MECOM: variants seen among roughly 807,000 people sequenced by gnomAD.
MECOM encodes the protein histone-lysine N-methyltransferase MECOM.
MECOM carries 13 observed loss-of-function variants against 116.3 expected under a neutral mutation model. The observed-to-expected ratio is 0.11, with a 90% CI of 0.07 to 0.18. The LOEUF (loss-of-function observed/expected upper bound fraction) is 0.18, where lower values mean the gene tolerates loss of function less well. MECOM is among the 10% of genes least tolerant of loss of function. The pLI is 1.00. For missense variants in MECOM, 1,299 were observed against 1,509.0 expected (o/e 0.86, Z 2.31); for synonymous variants, 528 against 535.2 (o/e 0.99, Z 0.19).
chr3:169,471,875 C>T (rs1749304761), intron 1 of MECOM, among the ~76,000 whole-genome samples: 1 of 152,202 alleles, frequency 6.6e-6, no homozygotes, highest in African/African-American at 2.4e-5. Flanking sequence ...TGCCCACTTA[C>T]TTTGATGATG....
intron 1 of MECOM, among the ~76,000 whole-genome samples, chr3:169,392,413 A>G (rs1181567731): frequency 2.0e-5 from 3 of 152,204 alleles, no homozygotes; most frequent in Admixed American, 1.3e-4. Flanking sequence ...TCTAGCATTA[A>G]AAGAGGAATT....
intron 2 of MECOM, among the ~76,000 whole-genome samples, chr3:169,253,292 C>G (rs1460320929): frequency 6.6e-6 from 1 of 152,086 alleles, no homozygotes; most frequent in Non-Finnish European, 1.5e-5. Context: ...ATGAACTTCA[C>G]TAATGCTGAC....
At chr3:169,641,418 C>T (rs1773475421) in intron 1 of MECOM, among the ~76,000 whole-genome samples, 1 of 152,080 alleles carries the variant, frequency 6.6e-6, no homozygotes, top group African/African-American at 2.4e-5. Context: ...TAAGCCTGCA[C>T]CCTCTGATGG....
chr3:169,135,951 C>G (rs1736231719), intron 3 of MECOM, among the ~76,000 whole-genome samples: 1 of 151,672 alleles, frequency 6.6e-6, no homozygotes, highest in Non-Finnish European at 1.5e-5. Flanking sequence ...AAAAGTAAAA[C>G]TAGAAATCCA....
At chr3:169,370,074 A>G (rs1435712285) in intron 2 of MECOM, among the ~76,000 whole-genome samples, 1 of 151,962 alleles carries the variant, frequency 6.6e-6, no homozygotes, top group African/African-American at 2.4e-5. Context: ...TAAATGCCAA[A>G]CCAGTCAAAA....
chr3:169,150,148 A>G (rs1740965961), intron 2 of MECOM, among the ~76,000 whole-genome samples: 1 of 152,164 alleles, frequency 6.6e-6, no homozygotes, highest in East Asian at 1.9e-4. Context: ...CACAGTAGTT[A>G]GACTGGCCTT....
intron 1 of MECOM, among the ~76,000 whole-genome samples, chr3:169,549,066 C>T (rs141415000): frequency 0.22 from 32,638 of 151,088 alleles, 4,563 homozygotes; most frequent in East Asian, 0.7. Context: ...CTCCGCCTCC[C>T]GGGTTCAAGT....
intron 2 of MECOM, among the ~76,000 whole-genome samples, chr3:169,222,927 A>C (rs2149500703): frequency 6.6e-6 from 1 of 152,260 alleles, no homozygotes; most frequent in Middle Eastern, 3.4e-3. Flanking sequence ...TCTTTCATGG[A>C]ACAATTAGAT....
intron 1 of MECOM, among the ~76,000 whole-genome samples, chr3:169,454,746 C>T (rs1285986377): frequency 6.6e-6 from 1 of 152,092 alleles, no homozygotes; most frequent in Non-Finnish European, 1.5e-5. Context: ...CTTTCTCAAA[C>T]AATATTTCTC....
intron 1 of MECOM, among the ~76,000 whole-genome samples, chr3:169,449,018 A>G (rs1745113945): frequency 6.6e-6 from 1 of 152,178 alleles, no homozygotes; most frequent in East Asian, 1.9e-4. Context: ...CAGGAGTAGT[A>G]TCTGTCAACA....
At chr3:169,287,648 T>C (rs556562730) in intron 2 of MECOM, among the ~76,000 whole-genome samples, 1 of 152,310 alleles carries the variant, frequency 6.6e-6, no homozygotes, top group African/African-American at 2.4e-5. Flanking sequence ...TATATTCATT[T>C]TTTTCATTCC....
At chr3:169,527,957 G>A (rs903347111) in intron 1 of MECOM, among the ~76,000 whole-genome samples, 1 of 152,172 alleles carries the variant, frequency 6.6e-6, no homozygotes, top group Non-Finnish European at 1.5e-5. Context: ...ATACTTAGGC[G>A]TGTGCATGCC....
intron 1 of MECOM, among the ~76,000 whole-genome samples, chr3:169,539,634 A>C (rs1338962075): frequency 6.6e-6 from 1 of 152,204 alleles, no homozygotes; most frequent in Non-Finnish European, 1.5e-5. Context: ...TCCCCAGTGC[A>C]AAGACTATTC....
At chr3:169,610,508 T>TG in intron 1 of MECOM, among the ~76,000 whole-genome samples, 1 of 120,974 alleles carries the variant, frequency 8.3e-6, no homozygotes, top group Non-Finnish European at 1.8e-5. Flanking sequence ...CGTGTGTGTG[T>TG]GTGTGTGTGT....
At position 169,089,003 on chromosome 3, in the gene MECOM, C is replaced by T. The variant is rs746689698; in HGVS notation, c.3582G>A (p.Ser1194=). 1.0e-5 allele frequency: 16 copies of T among 1,585,890 alleles called. No homozygotes were observed. The highest frequency in any genetic ancestry group is 1.4e-5 in the African/African-American group (1 of 73,222). ...LKQPLHRKSK[S]QAYAMMLSLS... The stretch of plus-strand genomic sequence containing the variant: ...TGTACTATGGGAAAATCTGTACCTG[C>T]GATTTGGACTTTCTGTGTAACGGCT... The change falls in exon 16 of 17, where the codon TCG becomes TCA. Residue 1194 remains serine, a synonymous_variant. Transcript: ENST00000651503.
intron 2 of MECOM, among the ~76,000 whole-genome samples, chr3:169,259,923 C>G (rs567222551): frequency 6.6e-6 from 1 of 152,104 alleles, no homozygotes; most frequent in Non-Finnish European, 1.5e-5. Flanking sequence ...TGATCTTGGT[C>G]AAATTTGTTA....
chr3:169,142,193 C>A (rs747006170), intron 3 of MECOM, among the ~76,000 whole-genome samples: 3 of 151,830 alleles, frequency 2.0e-5, no homozygotes, highest in Non-Finnish European at 3.0e-5. Flanking sequence ...AAAATGGCTG[C>A]AAATAGACTT....
chr3:169,540,761 T>A (rs1759966027), intron 1 of MECOM, among the ~76,000 whole-genome samples: 1 of 152,214 alleles, frequency 6.6e-6, no homozygotes, highest in Admixed American at 6.5e-5. Flanking sequence ...TTCATGTTCT[T>A]TCAGGCTTTC....
intron 1 of MECOM, among the ~76,000 whole-genome samples, chr3:169,444,723 G>A (rs1262096449): frequency 6.6e-6 from 1 of 152,170 alleles, no homozygotes; most frequent in African/African-American, 2.4e-5. Flanking sequence ...GGCAGAGATT[G>A]GAACAGTTTG....
Sources: allele counts gnomAD v4.1 joint callset (sites outside exome capture counted in the v4.1 genomes callset), GRCh38; gene constraint gnomAD v4.1.1; transcripts MANE v1.5; gene names NCBI Gene and HGNC (gene_info 2026-07-23, HGNC 2026-07-21).